PICALM: variants seen among roughly 807,000 people sequenced by gnomAD.
PICALM encodes the protein phosphatidylinositol-binding clathrin assembly protein.
Under a neutral mutation model 80.5 loss-of-function variants are expected in PICALM, and 40 were observed. That is an observed-to-expected ratio of 0.50 (90% confidence interval 0.39 to 0.65). PICALM has a LOEUF of 0.65. PICALM is among the 30% of genes least tolerant of loss of function. The pLI, the probability that PICALM is intolerant of heterozygous loss-of-function variation, is 0.00. For synonymous variants in PICALM, 288 were observed against 260.3 expected (o/e 1.11, Z -1.02); for missense variants, 676 against 778.9 (o/e 0.87, Z 1.57).
chr11:86,037,384 C>G (rs1256484353), intron 1 of PICALM, among the ~76,000 whole-genome samples: 2 of 151,574 alleles, frequency 1.3e-5, no homozygotes, highest in South Asian at 2.1e-4. Context: ...CTCAGCCTCC[C>G]AAGTAGCTGG....
intron 19 of PICALM, among the ~76,000 whole-genome samples, chr11:85,973,403 T>C (rs2094171768): frequency 6.6e-6 from 1 of 152,140 alleles, no homozygotes; most frequent in South Asian, 2.1e-4. Context: ...GTAGAGGATA[T>C]TAAGATAGTT....
chr11:86,037,143 A>G (rs2095855844), intron 1 of PICALM, among the ~76,000 whole-genome samples: 1 of 147,560 alleles, frequency 6.8e-6, no homozygotes, highest in Non-Finnish European at 1.5e-5. Flanking sequence ...ACAGGGTTTC[A>G]CCATGTTGGC....
rs1437279579 is a variant in PICALM at position 85,957,948 on chromosome 11, C to T, written c.*1098G>A. 4 of 223,804 alleles carry T rather than the reference C, an allele frequency of 1.8e-5. No homozygotes were observed. Among genetic ancestry groups the T allele is most frequent in the East Asian group, 1.3e-4 (2 of 15,312 alleles). 13.9% of individuals were successfully genotyped at this position (223,804 alleles called of 1,614,324 possible). A position where few individuals can be genotyped will look rare whatever the true frequency, so the allele number is the denominator to read the frequency against. ...TGGCTAGACATTAACTTTAAAGATA[C>T]TATTTCCCCTTATTTAAAAGGTATA... On this transcript the variant is annotated 3_prime_UTR_variant, in exon 20 of 20. Transcript: ENST00000393346.
At chr11:86,067,099 T>A (rs770806392) in intron 1 of PICALM, among the ~76,000 whole-genome samples, 1 of 152,222 alleles carries the variant, frequency 6.6e-6, no homozygotes, top group African/African-American at 2.4e-5. Context: ...CAAAGAATAA[T>A]AGGCTTCTGT....
intron 8 of PICALM, among the ~76,000 whole-genome samples, chr11:86,005,291 C>G (rs544058196): frequency 6.6e-6 from 1 of 152,150 alleles, no homozygotes; most frequent in Non-Finnish European, 1.5e-5. Flanking sequence ...AGGGTTTAAG[C>G]TGTGGCTTAC....
At chr11:86,061,628 G>GA (rs2096367415) in intron 1 of PICALM, among the ~76,000 whole-genome samples, 1 of 152,208 alleles carries the variant, frequency 6.6e-6, no homozygotes, top group Non-Finnish European at 1.5e-5. Flanking sequence ...AATGTGAACA[G>GA]AAACTCCCAT....
At chr11:86,004,505 A>C (rs2095233751) in intron 8 of PICALM, among the ~76,000 whole-genome samples, 1 of 152,050 alleles carries the variant, frequency 6.6e-6, no homozygotes, top group Admixed American at 6.6e-5. Flanking sequence ...ATTGAAATGA[A>C]TACTTACGTT....
At chr11:86,065,515 G>T (rs960675544) in intron 1 of PICALM, among the ~76,000 whole-genome samples, 1 of 152,086 alleles carries the variant, frequency 6.6e-6, no homozygotes, top group Non-Finnish European at 1.5e-5. Context: ...CTGCTAAATG[G>T]AATTAGAAGC....
At chr11:86,044,242 G>C (rs2096027543) in intron 1 of PICALM, among the ~76,000 whole-genome samples, 2 of 152,156 alleles carry the variant, frequency 1.3e-5, no homozygotes, top group Admixed American at 1.3e-4. Flanking sequence ...TGCTAGGAAG[G>C]AGCCCCACAT....
At chr11:85,996,311 T>C (rs971617197) in intron 12 of PICALM, among the ~76,000 whole-genome samples, 1 of 152,106 alleles carries the variant, frequency 6.6e-6, no homozygotes, top group Non-Finnish European at 1.5e-5. Context: ...GCAAAATCTT[T>C]CAGGTCTTAA....
chr11:86,023,580 A>G (rs1328885801), intron 3 of PICALM: 3 of 984,646 alleles, frequency 3.0e-6, no homozygotes, highest in Non-Finnish European at 3.6e-6. Flanking sequence ...CCTTACCACT[A>G]GAATTGCTTA....
intron 14 of PICALM, among the ~76,000 whole-genome samples, chr11:85,982,836 T>C (rs1259041034): frequency 6.6e-6 from 1 of 152,070 alleles, no homozygotes; most frequent in African/African-American, 2.4e-5. Context: ...TTCTTAAAAA[T>C]GAAAATAAAA....
chr11:85,982,168 T>A (rs913311991), intron 14 of PICALM, 165 bp from the exon 15 acceptor site: 26 of 601,788 alleles, frequency 4.3e-5, no homozygotes, highest in Non-Finnish European at 5.3e-5. Context: ...AAGTCACCAC[T>A]TCATACTGAA....
At chr11:86,039,302 G>A (rs1197962428) in intron 1 of PICALM, among the ~76,000 whole-genome samples, 3 of 152,140 alleles carry the variant, frequency 2.0e-5, no homozygotes, top group Non-Finnish European at 4.4e-5. Context: ...CTGACAGGAG[G>A]ATCCCTTGAT....
At chr11:85,974,476 T>C (rs1176740365) in intron 19 of PICALM, 1 of 634,060 alleles carries the variant, frequency 1.6e-6, no homozygotes. Context: ...ATCTACCAAC[T>C]ATAAGTTACC....
At chr11:86,047,651 T>C (rs1261685192) in intron 1 of PICALM, among the ~76,000 whole-genome samples, 1 of 152,238 alleles carries the variant, frequency 6.6e-6, no homozygotes, top group Non-Finnish European at 1.5e-5. Flanking sequence ...AGGGGTAAAC[T>C]ACGTTAAAAG....
chr11:86,018,164 C>T (rs1177772978), intron 4 of PICALM, among the ~76,000 whole-genome samples: 1 of 152,052 alleles, frequency 6.6e-6, no homozygotes, highest in African/African-American at 2.4e-5. Flanking sequence ...GAGTTCTTAC[C>T]ACTATTAAAC....
At chr11:86,003,993 C>A (rs2095219960) in intron 8 of PICALM, among the ~76,000 whole-genome samples, 1 of 152,160 alleles carries the variant, frequency 6.6e-6, no homozygotes, top group Admixed American at 6.5e-5. Context: ...TCTCATATAT[C>A]ACTAGTAGGA....
chr11:85,964,753 C>CTTTA lies in PICALM; in HGVS notation c.1945-5697_1945-5694dup, dbSNP rs1268067290. On this transcript the variant is annotated intron_variant, in intron 19 of 19. Coordinates refer to ENST00000393346, the MANE Select transcript of PICALM (RefSeq NM_007166.4). Reference sequence around the variant, plus strand: ...ACTTGTGCATCTGTATTACACTCACCTTTAGGCTGCTCAGGTGCAGGAAAC... The same window carrying CTTTA: ...ACTTGTGCATCTGTATTACACTCACCTTTATTTAGGCTGCTCAGGTGCAGGAAAC... 3.1e-4 allele frequency among the ~76,000 whole-genome samples: 47 copies of CTTTA among 152,158 alleles called. 1 individual carries two copies. The highest frequency in any genetic ancestry group is 1.5e-5 in the Non-Finnish European group (1 of 68,016).
Sources: gnomAD v4.1 joint callset for allele counts (sites outside exome capture counted in the v4.1 genomes callset) on GRCh38, gnomAD v4.1.1 for gene constraint, MANE v1.5 for transcripts, NCBI Gene and HGNC (gene_info 2026-07-23, HGNC 2026-07-21) for gene names.